Variants in AUTS2 observed in about 807,000 individuals in gnomAD.
AUTS2 encodes activator of transcription and developmental regulator AUTS2, also known as autism susceptibility gene 2 protein.
AUTS2 carries 17 observed loss-of-function variants against 112.4 expected under a neutral mutation model. The observed-to-expected ratio is 0.15, with a 90% CI of 0.10 to 0.23. The LOEUF is 0.23. Among genes scored for constraint, AUTS2 ranks in the 10% least tolerant of loss-of-function variants. The probability of loss-of-function intolerance (pLI) is 1.00; values close to 1 mark genes in which losing one functional copy is unlikely to be tolerated. For missense variants in AUTS2, 1,510 were observed against 1,701.6 expected, an observed-to-expected ratio of 0.89 and a Z score of 1.98; for synonymous variants, 751 against 702.7, an observed-to-expected ratio of 1.07 and a Z score of -1.09.
intron 1 of AUTS2, among the ~76,000 whole-genome samples, chr7:69,710,467 T>G (rs1798265243): frequency 6.6e-6 from 1 of 152,224 alleles, no homozygotes; most frequent in Non-Finnish European, 1.5e-5. Context: ...TCTGTTAGGA[T>G]GACTGGTGCG....
chr7:70,757,112 G>A (rs541221175), intron 6 of AUTS2, among the ~76,000 whole-genome samples: 6 of 152,176 alleles, frequency 3.9e-5, no homozygotes, highest in Non-Finnish European at 7.3e-5. Context: ...GACTTAGTTC[G>A]CGCTTTTTTG....
chr7:70,274,959 A>G (rs543565859), intron 4 of AUTS2, among the ~76,000 whole-genome samples: 29 of 152,370 alleles, frequency 1.9e-4, no homozygotes, highest in African/African-American at 6.7e-4. Flanking sequence ...TAGAAGCATT[A>G]TTCATAATAG....
chr7:70,014,586 C>T (rs895592259), intron 2 of AUTS2, among the ~76,000 whole-genome samples: 3 of 152,070 alleles, frequency 2.0e-5, no homozygotes, highest in Admixed American at 1.3e-4. Context: ...TTTGCTCTTG[C>T]TCTCTGTGAT....
At chr7:70,627,636 G>A (rs972420300) in intron 5 of AUTS2, among the ~76,000 whole-genome samples, 11 of 152,350 alleles carry the variant, frequency 7.2e-5, no homozygotes, top group African/African-American at 2.6e-4. Context: ...GAGCAGAGTT[G>A]GAATTTTACA....
chr7:70,420,816 T>A (rs952601877), intron 4 of AUTS2, among the ~76,000 whole-genome samples: 4 of 152,220 alleles, frequency 2.6e-5, no homozygotes, highest in Admixed American at 2.6e-4. Context: ...TGGGGAGGGA[T>A]GGACAGGTTC....
rs150718135 is a variant in AUTS2, at chr7:69,731,003, C to T, written c.309+131041C>T. 1.8e-3 allele frequency among the ~76,000 whole-genome samples: 281 copies of T among 152,296 alleles called. 3 individuals carry two copies. The highest frequency in any genetic ancestry group is 6.6e-3 in the African/African-American group (274 of 41,582). On this transcript the variant is annotated intron_variant, in intron 1 of 18. Coordinates refer to ENST00000342771, the MANE Select transcript of AUTS2 (RefSeq NM_015570.4). ...GGCAATATAGATAGTGGTTAAAAAA[C>T]ATGGGCTTTGGGCTGGGCATAGTTG... is the stretch of plus-strand genomic sequence containing the variant.
intron 5 of AUTS2, among the ~76,000 whole-genome samples, chr7:70,645,632 C>T (rs1010654781): frequency 1.3e-4 from 20 of 152,164 alleles, no homozygotes; most frequent in Non-Finnish European, 2.9e-5. Flanking sequence ...TGCCTTCCCT[C>T]CACCTTTCTT....
chr7:70,407,530 T>C (rs951804162), intron 4 of AUTS2, among the ~76,000 whole-genome samples: 1 of 152,184 alleles, frequency 6.6e-6, no homozygotes, highest in African/African-American at 2.4e-5. Context: ...TCTAAGTCTA[T>C]AGTGTGTTTG....
At chr7:70,242,873 G>A (rs981312349) in intron 4 of AUTS2, among the ~76,000 whole-genome samples, 2 of 152,110 alleles carry the variant, frequency 1.3e-5, no homozygotes, top group South Asian at 2.1e-4. Context: ...GAGAAATGCC[G>A]TGCTTTTCTA....
intron 4 of AUTS2, among the ~76,000 whole-genome samples, chr7:70,139,827 C>T (rs988325010): frequency 7.9e-5 from 12 of 151,964 alleles, no homozygotes; most frequent in African/African-American, 2.4e-4. Flanking sequence ...GGTGAAACCC[C>T]GTCTCTCTAC....
chr7:70,622,008 G>A (rs71549371), intron 5 of AUTS2, among the ~76,000 whole-genome samples: 4,708 of 151,748 alleles, frequency 0.031, 118 homozygotes, highest in Middle Eastern at 0.11. Context: ...CACGACACCC[G>A]GCTAATTGGT....
chr7:70,057,195 C>A (rs564590175), intron 2 of AUTS2, among the ~76,000 whole-genome samples: 1 of 152,072 alleles, frequency 6.6e-6, no homozygotes, highest in African/African-American at 2.4e-5. Context: ...TGTATCCTTG[C>A]GGCTCTGCTT....
intron 5 of AUTS2, among the ~76,000 whole-genome samples, chr7:70,457,138 G>GA (rs1398362978): frequency 1.3e-5 from 2 of 152,206 alleles, no homozygotes; most frequent in African/African-American, 4.8e-5. Context: ...TAGGTGTGGG[G>GA]ACACAGCCTT....
intron 4 of AUTS2, among the ~76,000 whole-genome samples, chr7:70,244,796 T>C (rs1812808886): frequency 6.6e-6 from 1 of 152,102 alleles, no homozygotes; most frequent in African/African-American, 2.4e-5. Flanking sequence ...CTTTGAACTG[T>C]TTAGAAACAC....
chr7:70,411,793 GACA>G (rs1794787647), intron 4 of AUTS2, among the ~76,000 whole-genome samples: 1 of 152,006 alleles, frequency 6.6e-6, no homozygotes, highest in African/African-American at 2.4e-5. Context: ...AGATAACTAT[GACA>G]ACATGGCAGG....
intron 5 of AUTS2, among the ~76,000 whole-genome samples, chr7:70,485,159 A>T (rs1387868381): frequency 6.6e-6 from 1 of 152,204 alleles, no homozygotes; most frequent in Non-Finnish European, 1.5e-5. Flanking sequence ...AAGAAGTCAT[A>T]TGAAAAAGAC....
intron 6 of AUTS2, among the ~76,000 whole-genome samples, chr7:70,732,437 T>C (rs1787473881): frequency 6.6e-6 from 1 of 152,162 alleles, no homozygotes. Flanking sequence ...GAAGTGGGTC[T>C]CAGTATCCGA....
rs551417124 is a variant in AUTS2, at chr7:70,048,757, T to A, written c.523-69375T>A. 7.9e-4 allele frequency among the ~76,000 whole-genome samples: 121 copies of A among 152,342 alleles called. 5 individuals carry two copies. Among genetic ancestry groups the A allele is most frequent in the South Asian group, 3.9e-3 (19 of 4,828 alleles). On this transcript the variant is annotated intron_variant, in intron 2 of 18. Coordinates refer to ENST00000342771, the MANE Select transcript of AUTS2 (RefSeq NM_015570.4). ...ACCTGAGGTCCTTGTCAAAACTGTT[T>A]TTCTTACTGTAATATCAATGTGTAT...
chr7:70,518,498 C>T (rs1318773697), intron 5 of AUTS2, among the ~76,000 whole-genome samples: 5 of 151,912 alleles, frequency 3.3e-5, no homozygotes, highest in East Asian at 1.9e-4. Flanking sequence ...CTGGCTAACA[C>T]GGTGAAACCC....
Sources: gnomAD v4.1 joint callset for allele counts (sites outside exome capture counted in the v4.1 genomes callset) on GRCh38, gnomAD v4.1.1 for gene constraint, MANE v1.5 for transcripts, NCBI Gene and HGNC (gene_info 2026-07-23, HGNC 2026-07-21) for gene names.